TLL1: variants seen among roughly 807,000 people sequenced by gnomAD.
TLL1 encodes tolloid-like protein 1.
Under a neutral mutation model 128.2 loss-of-function variants are expected in TLL1, and 49 were observed. The ratio of observed to expected loss-of-function variants is 0.38; its 90% CI spans 0.30 to 0.48. The LOEUF is 0.48. TLL1 is among the 20% of genes least tolerant of loss of function. TLL1 has a pLI of 0.96. For missense variants in TLL1, 1,123 were observed against 1,242.0 expected (o/e 0.90, Z 1.44); for synonymous variants, 454 against 418.8 (o/e 1.08, Z -1.03).
chr4:165,947,386 G>T (rs1734305885), intron 1 of TLL1, among the ~76,000 whole-genome samples: 1 of 152,032 alleles, frequency 6.6e-6, no homozygotes, highest in Admixed American at 6.6e-5. Flanking sequence ...TGGAGGAAGA[G>T]GCACAAATAT....
intron 11 of TLL1, 61 bp downstream of exon 11, chr4:166,042,204 C>A: frequency 8.9e-7 from 1 of 1,124,262 alleles, no homozygotes; most frequent in Non-Finnish European, 1.4e-6. Context: ...ATGTTCGTTT[C>A]TTAATTTCAT....
Position 166,075,012 on chromosome 4 carries a change from C to T in TLL1, c.2314+9C>T, listed in dbSNP as rs201760237. 48 of 1,612,792 alleles carry T rather than the reference C, an allele frequency of 3.0e-5. No individual in the cohort carries two copies. Among genetic ancestry groups the T allele is most frequent in the East Asian group, 2.0e-4 (9 of 44,776 alleles). ...ACATGATTGCAAGGAAGGTATGGAA[C>T]GGAATACACTTTTTTTGACAACATG... On this transcript the variant is annotated intron_variant, in intron 17 of 20. Coordinates refer to ENST00000061240, the MANE Select transcript of TLL1 (RefSeq NM_012464.5).
intron 5 of TLL1, among the ~76,000 whole-genome samples, chr4:165,995,974 T>A (rs1333467162): frequency 6.6e-6 from 1 of 152,148 alleles, no homozygotes. Flanking sequence ...TATCTTTTTT[T>A]AATAATCTCC....
intron 15 of TLL1, among the ~76,000 whole-genome samples, chr4:166,061,238 CTTTTTTTTTTT>C (rs1204049312): frequency 4.9e-5 from 7 of 143,188 alleles, no homozygotes; most frequent in Non-Finnish European, 9.1e-5. Flanking sequence ...TCCTCCTTTC[CTTTTTTTTTTT>C]TCTTTTTTTT....
At chr4:165,976,389 T>C (rs1323617663) in intron 1 of TLL1, among the ~76,000 whole-genome samples, 1 of 152,204 alleles carries the variant, frequency 6.6e-6, no homozygotes, top group East Asian at 1.9e-4. Flanking sequence ...TAACAAGGCA[T>C]ACGTTAGGAA....
intron 2 of TLL1, among the ~76,000 whole-genome samples, chr4:165,990,856 A>C (rs965985639): frequency 2.0e-5 from 3 of 152,016 alleles, no homozygotes; most frequent in African/African-American, 7.2e-5. Flanking sequence ...ATGCATAGTG[A>C]CAATCTTTTC....
At chr4:165,888,789 A>T (rs557805401) in intron 1 of TLL1, among the ~76,000 whole-genome samples, 1 of 152,254 alleles carries the variant, frequency 6.6e-6, no homozygotes, top group East Asian at 1.9e-4. Context: ...TTTAATTTTC[A>T]TTCTTCCTTA....
intron 18 of TLL1, among the ~76,000 whole-genome samples, chr4:166,087,066 T>G (rs1741553155): frequency 6.6e-6 from 1 of 152,188 alleles, no homozygotes; most frequent in Admixed American, 6.5e-5. Context: ...TTATCCTGTC[T>G]TGGTTCTGAA....
chr4:165,914,944 A>C (rs1579480879), intron 1 of TLL1, among the ~76,000 whole-genome samples: 1 of 152,312 alleles, frequency 6.6e-6, no homozygotes, highest in South Asian at 2.1e-4. Flanking sequence ...GAAACCCAAG[A>C]GATCCATGGA....
At chr4:166,042,964 A>T (rs1322249237) in intron 11 of TLL1, among the ~76,000 whole-genome samples, 1 of 152,350 alleles carries the variant, frequency 6.6e-6, no homozygotes, top group Admixed American at 6.5e-5. Context: ...AGAGAATCAC[A>T]GAACAAACTC....
At chr4:166,040,208 G>T (rs780292872) in intron 10 of TLL1, among the ~76,000 whole-genome samples, 22 of 152,126 alleles carry the variant, frequency 1.4e-4, no homozygotes, top group Non-Finnish European at 3.2e-4. Context: ...TTGATGAACT[G>T]TACAGCTCTT....
chr4:166,037,020 T>TG (rs1739036251), intron 9 of TLL1, among the ~76,000 whole-genome samples: 1 of 152,104 alleles, frequency 6.6e-6, no homozygotes, highest in Admixed American at 6.5e-5. Context: ...ACGTGAGCCC[T>TG]GGGGGAGTCT....
chr4:166,062,051 G>A (rs1408406401), intron 15 of TLL1, among the ~76,000 whole-genome samples: 4 of 151,914 alleles, frequency 2.6e-5, no homozygotes, highest in Non-Finnish European at 2.9e-5. Context: ...TATTTCTGAG[G>A]GCTCTGTTCT....
At chr4:166,017,673 C>G (rs1002548107) in intron 8 of TLL1, among the ~76,000 whole-genome samples, 1 of 151,014 alleles carries the variant, frequency 6.6e-6, no homozygotes, top group Non-Finnish European at 1.5e-5. Context: ...ACAAATAGCC[C>G]CCTCCCTTCC....
chr4:166,098,699 A>G (rs970072998), intron 19 of TLL1, among the ~76,000 whole-genome samples: 3 of 152,062 alleles, frequency 2.0e-5, no homozygotes, highest in African/African-American at 7.2e-5. Flanking sequence ...CTACTATTGT[A>G]TATATTCTAT....
intron 9 of TLL1, among the ~76,000 whole-genome samples, chr4:166,034,588 T>C (rs556604674): frequency 6.6e-6 from 1 of 152,194 alleles, no homozygotes; most frequent in African/African-American, 2.4e-5. Flanking sequence ...CCAAAGCACA[T>C]CTTGTGAAAC....
chr4:165,922,114 G>GA (rs1298929519), intron 1 of TLL1, among the ~76,000 whole-genome samples: 1 of 152,136 alleles, frequency 6.6e-6, no homozygotes, highest in Non-Finnish European at 1.5e-5. Context: ...GGAACCCAGG[G>GA]AATCAGTGCT....
intron 9 of TLL1, among the ~76,000 whole-genome samples, chr4:166,036,695 A>G (rs1325445979): frequency 1.3e-5 from 2 of 152,024 alleles, no homozygotes; most frequent in Admixed American, 6.6e-5. Flanking sequence ...TGTTAATGTC[A>G]GGCCAGTTAT....
At chr4:165,921,327 G>A (rs1235051229) in intron 1 of TLL1, among the ~76,000 whole-genome samples, 2 of 152,062 alleles carry the variant, frequency 1.3e-5, no homozygotes, top group Non-Finnish European at 2.9e-5. Context: ...GTGTATTTTG[G>A]TTAAAGCAAG....
Sources: allele counts gnomAD v4.1 joint callset (sites outside exome capture counted in the v4.1 genomes callset), GRCh38; gene constraint gnomAD v4.1.1; transcripts MANE v1.5; gene names NCBI Gene and HGNC (gene_info 2026-07-23, HGNC 2026-07-21).